ADCY3: variants seen among roughly 807,000 people sequenced by gnomAD.
The protein encoded by ADCY3 is adenylate cyclase type 3.
ADCY3 carries 70 observed loss-of-function variants against 119.4 expected under a neutral mutation model. The observed-to-expected ratio is 0.59, with a 90% CI of 0.48 to 0.72. The LOEUF (loss-of-function observed/expected upper bound fraction) is 0.72, where lower values mean the gene tolerates loss of function less well. ADCY3 is among the 30% of genes least tolerant of loss of function. The pLI is 0.00. For synonymous variants in ADCY3, 672 were observed against 621.4 expected (o/e 1.08, Z -1.21); for missense variants, 1,238 against 1,541.6 (o/e 0.80, Z 3.30).
intron 2 of ADCY3, among the ~76,000 whole-genome samples, chr2:24,910,529 C>T (rs910275313): frequency 6.6e-6 from 1 of 152,180 alleles, no homozygotes; most frequent in Non-Finnish European, 1.5e-5. Flanking sequence ...ATGAGCCATC[C>T]CACATTACTG....
chr2:24,823,690 C>T (rs1572782655), intron 17 of ADCY3, among the ~76,000 whole-genome samples: 4 of 132,640 alleles, frequency 3.0e-5, no homozygotes, highest in South Asian at 4.9e-4. Context: ...CTCATCGCTA[C>T]TTTTTTTTTT....
chr2:24,895,247 C>T (rs902737047), intron 2 of ADCY3, among the ~76,000 whole-genome samples: 4 of 151,506 alleles, frequency 2.6e-5, no homozygotes, highest in Non-Finnish European at 4.4e-5. Context: ...CACACCACCA[C>T]GCCCAGCTAA....
Position 24,918,334 on chromosome 2 carries a change from C to T in ADCY3, c.654G>A (p.Lys218=), listed in dbSNP as rs1286766651. ...TVAQQQQEEL[K]GMQLLREILA... is the part of the protein sequence containing the mutation. ...TCACCTCCCGCAGCAGCTGCATCCC[C>T]TTGAGCTCCTCCTGCTGCTGCTGGG... The change falls in exon 2 of 22, where the codon AAG becomes AAA. Residue 218 remains lysine, a synonymous_variant. Coordinates refer to ENST00000679454, the MANE Select transcript of ADCY3 (RefSeq NM_004036.5). The surrounding 1 kb of genome is among the most constrained non-coding windows in gnomAD (Gnocchi z 5.4). The T allele has an allele frequency of 6.3e-7, 1 of 1,587,102 alleles. No homozygotes were observed. Among genetic ancestry groups the T allele is most frequent in the Non-Finnish European group, 8.6e-7 (1 of 1,165,908 alleles).
intron 3 of ADCY3, among the ~76,000 whole-genome samples, chr2:24,853,053 TGTGTGTGTGTGTGTA>T (rs1672566650): frequency 1.9e-5 from 2 of 104,292 alleles, no homozygotes; most frequent in African/African-American, 9.2e-5. Context: ...TGTGTGTGTG[TGTGTGTGTGTGTGTA>T]GGGGTGTTAT....
Position 24,920,214 on chromosome 2 carries a change from G to A in ADCY3, c.-729C>T, listed in dbSNP as rs1344519405. Among the ~76,000 whole-genome samples the A allele has an allele frequency of 2.1e-5, 3 of 146,008 alleles. No individual in the cohort carries two copies. Among genetic ancestry groups the A allele is most frequent in the Non-Finnish European group, 4.6e-5 (3 of 65,642 alleles). On this transcript the variant is annotated 5_prime_UTR_variant, in exon 1 of 22. Transcript: ENST00000679454. This position sits in a 1 kb window ranked among gnomAD's most constrained non-coding sequence, Gnocchi z 4.5. ...CACAGCTATTCCCCGCGCGGCGCCGGCGGCTCCGGGGCCACGCGCGCTCCA... is the reference window on the plus strand; with the variant it reads ...CACAGCTATTCCCCGCGCGGCGCCGACGGCTCCGGGGCCACGCGCGCTCCA...
intron 3 of ADCY3, among the ~76,000 whole-genome samples, chr2:24,867,539 A>G (rs1674448074): frequency 6.6e-6 from 1 of 152,234 alleles, no homozygotes; most frequent in South Asian, 2.1e-4. Flanking sequence ...TGTAAGTAGT[A>G]AATTTCTGTT....
chr2:24,918,830 A>T lies in ADCY3; in HGVS notation c.158T>A (p.Met53Lys). Reference sequence around the variant, plus strand: ...GGACTCCGGCACGAAAGTCAGCCGCATGAAGCGAGGCAGGCACAGGCAGGA... The same window carrying T: ...GGACTCCGGCACGAAAGTCAGCCGCTTGAAGCGAGGCAGGCACAGGCAGGA... Reference protein sequence around the residue: ...SGSCLCLPRFMRLTFVPESLE... With the variant: ...SGSCLCLPRFKRLTFVPESLE... Residue 53 changes from methionine (M) to lysine (K), a missense_variant, in exon 2 of 22, where the codon ATG becomes AAG. By Grantham distance (95) the Met-to-Lys change is moderately conservative (BLOSUM62 -1). Around this residue, in one of 7 missense-constraint regions of ADCY3, gnomAD observed 227 missense variants for 249.3 expected, o/e 0.91. Transcript: ENST00000679454. The surrounding 1 kb of genome is among the most constrained non-coding windows in gnomAD (Gnocchi z 5.4). 6.2e-7 allele frequency: 1 copy of T among 1,613,722 alleles called. No individual in the cohort carries two copies. Among genetic ancestry groups the T allele is most frequent in the Non-Finnish European group, 8.5e-7 (1 of 1,180,040 alleles).
chr2:24,822,975 G>A (rs1186942719), intron 18 of ADCY3, among the ~76,000 whole-genome samples: 1 of 152,230 alleles, frequency 6.6e-6, no homozygotes, highest in African/African-American at 2.4e-5. Flanking sequence ...TCGAGATGTT[G>A]CTTGGCCAGT....
At chr2:24,846,205 A>G (rs1055390598) in intron 3 of ADCY3, among the ~76,000 whole-genome samples, 1 of 152,222 alleles carries the variant, frequency 6.6e-6, no homozygotes, top group Non-Finnish European at 1.5e-5. Context: ...GAAGAGGGCC[A>G]CTGTCCTCCA....
intron 2 of ADCY3, among the ~76,000 whole-genome samples, chr2:24,887,910 G>T (rs535134263): frequency 2.0e-5 from 3 of 152,256 alleles, no homozygotes; most frequent in African/African-American, 7.2e-5. Flanking sequence ...ACCTATTATT[G>T]TTAGGCATAT....
chr2:24,822,308 GGGGGT>G, intron 19 of ADCY3, 198 bp downstream of exon 19: 2 of 661,848 alleles, frequency 3.0e-6, no homozygotes, highest in Non-Finnish European at 4.9e-6. Flanking sequence ...GTGAACAGCA[GGGGGT>G]TGTGTGTCTG....
rs1365183542 is a variant in ADCY3 at position 24,827,602 on chromosome 2, A to G, written c.2439T>C (p.Pro813=). ...DHKRFREHDL[P]MVALEQMQGF... is the part of the protein sequence containing the mutation. ...CTTGCATCTGCTCTAAGGCCACCATAGGTAAGCTGTTGGACAGATAACAGC... is the reference window on the plus strand; with the variant it reads ...CTTGCATCTGCTCTAAGGCCACCATGGGTAAGCTGTTGGACAGATAACAGC... The change falls in exon 15 of 22, where the codon CCT becomes CCC. Residue 813 remains proline (P), a synonymous_variant. Coordinates refer to ENST00000679454, the MANE Select transcript of ADCY3 (RefSeq NM_004036.5). The G allele has an allele frequency of 6.3e-7, 1 of 1,586,214 alleles. No individual in the cohort carries two copies. The highest frequency in any genetic ancestry group is 8.6e-7 in the Non-Finnish European group (1 of 1,163,142).
At chr2:24,905,064 G>A (rs1679316832) in intron 2 of ADCY3, among the ~76,000 whole-genome samples, 1 of 152,098 alleles carries the variant, frequency 6.6e-6, no homozygotes, top group Non-Finnish European at 1.5e-5. Flanking sequence ...ACTATAGAGA[G>A]ATGGGAAGGT....
chr2:24,828,372 C>T (rs1227048515), intron 13 of ADCY3, among the ~76,000 whole-genome samples: 1 of 152,184 alleles, frequency 6.6e-6, no homozygotes, highest in Non-Finnish European at 1.5e-5. Flanking sequence ...TTGACATTCA[C>T]AAAAACTCTC....
At chr2:24,863,264 A>G (rs116762317) in intron 3 of ADCY3, among the ~76,000 whole-genome samples, 10,461 of 152,168 alleles carry the variant, frequency 0.069, 434 homozygotes, top group East Asian at 0.094. Context: ...GGCACAATCT[A>G]ATCAGTGGCC....
In ADCY3 at chr2:24,834,529, G is replaced by C; in HGVS notation, c.1923C>G (p.Val641=). 6.2e-7 allele frequency: 1 copy of C among 1,613,736 alleles called. No homozygotes were observed. Among genetic ancestry groups the C allele is most frequent in the Non-Finnish European group, 8.5e-7 (1 of 1,180,004 alleles). The change falls in exon 11 of 22, where the codon GTC becomes GTG. Residue 641 remains valine (V), a synonymous_variant. Coordinates refer to ENST00000679454, the MANE Select transcript of ADCY3 (RefSeq NM_004036.5). This position sits in a 1 kb window ranked among gnomAD's most constrained non-coding sequence, Gnocchi z 4.2. The part of the protein sequence containing the change: ...QSGAAFSCSC[V]VLLCTALVEI... Reference sequence around the variant, plus strand: ...CGACCAGGGCCGTGCAGAGCAGGACGACGCAGGAGCAGCTGAAGGCAGCCC... The same window carrying C: ...CGACCAGGGCCGTGCAGAGCAGGACCACGCAGGAGCAGCTGAAGGCAGCCC...
At chr2:24,877,760 G>A (rs1675893409) in intron 2 of ADCY3, among the ~76,000 whole-genome samples, 1 of 152,218 alleles carries the variant, frequency 6.6e-6, no homozygotes, top group Admixed American at 6.5e-5. Context: ...AAAGTGTTCT[G>A]CACACACACA....
intron 11 of ADCY3, 64 bp from the exon 12 acceptor site, chr2:24,831,813 G>GTGAGATGGGGT: frequency 8.2e-7 from 1 of 1,219,450 alleles, no homozygotes; most frequent in Non-Finnish European, 1.2e-6. Context: ...TGAGGGGCTA[G>GTGAGATGGGGT]GAGAGGAAGG....
At chr2:24,905,906 A>T (rs1679394629) in intron 2 of ADCY3, among the ~76,000 whole-genome samples, 1 of 152,206 alleles carries the variant, frequency 6.6e-6, no homozygotes, top group Admixed American at 6.5e-5. Flanking sequence ...AATGACTGTG[A>T]CGCCAGTGCT....
Sources: allele counts gnomAD v4.1 joint callset (sites outside exome capture counted in the v4.1 genomes callset), GRCh38; gene constraint gnomAD v4.1.1; regional missense constraint gnomAD v4.1.1; non-coding constraint Gnocchi (gnomAD v3.1); transcripts MANE v1.5; gene names NCBI Gene and HGNC (gene_info 2026-07-23, HGNC 2026-07-21).